The following TMEM132C variants were observed in gnomAD, a reference collection of about 807,000 sequenced individuals.
The protein encoded by TMEM132C is protein phosphatase 1, regulatory subunit 152.
TMEM132C carries 29 observed loss-of-function variants against 61.4 expected under a neutral mutation model. The ratio of observed to expected loss-of-function variants is 0.47; its 90% CI spans 0.35 to 0.64. TMEM132C has a LOEUF of 0.64. Among genes scored for constraint, TMEM132C ranks in the 30% least tolerant of loss-of-function variants. The pLI, the probability that TMEM132C is intolerant of heterozygous loss-of-function variation, is 0.00. For missense variants in TMEM132C, 1,408 were observed against 1,476.9 expected (o/e 0.95, Z 0.76); for synonymous variants, 656 against 633.1 (o/e 1.04, Z -0.54).
At chr12:128,396,788 T>G (rs1565923707) in intron 1 of TMEM132C, among the ~76,000 whole-genome samples, 2 of 152,198 alleles carry the variant, frequency 1.3e-5, no homozygotes, top group Admixed American at 6.5e-5. Context: ...TGGAGCCCGG[T>G]GGGCTGGCCC....
At chr12:128,683,545 G>A (rs1405110797) in intron 5 of TMEM132C, among the ~76,000 whole-genome samples, 6 of 152,196 alleles carry the variant, frequency 3.9e-5, no homozygotes, top group Admixed American at 1.3e-4. Flanking sequence ...TTCGCTGTGA[G>A]ACCTTGGACC....
At chr12:128,656,916 T>G (rs769741265) in intron 4 of TMEM132C, among the ~76,000 whole-genome samples, 3 of 152,320 alleles carry the variant, frequency 2.0e-5, no homozygotes, top group Non-Finnish European at 4.4e-5. Flanking sequence ...TCAGTTTATT[T>G]TCCTAGCCCC....
At chr12:128,378,353 T>C (rs184331944) in intron 1 of TMEM132C, among the ~76,000 whole-genome samples, 2,686 of 152,184 alleles carry the variant, frequency 0.018, 89 homozygotes, top group African/African-American at 0.062. Flanking sequence ...CCTGACTTCA[T>C]GATCCGCCCG....
At chr12:128,665,348 C>A (rs1042202247) in intron 4 of TMEM132C, among the ~76,000 whole-genome samples, 3 of 149,936 alleles carry the variant, frequency 2.0e-5, no homozygotes, top group African/African-American at 7.5e-5. Flanking sequence ...CCCATGTGCA[C>A]ACAGACACAC....
intron 1 of TMEM132C, among the ~76,000 whole-genome samples, chr12:128,324,617 T>C (rs1872445383): frequency 6.6e-6 from 1 of 152,110 alleles, no homozygotes; most frequent in Non-Finnish European, 1.5e-5. Flanking sequence ...CCCAGCACCT[T>C]GGGAGGCCGA....
At chr12:128,499,749 G>A (rs567002850) in intron 2 of TMEM132C, among the ~76,000 whole-genome samples, 57 of 152,218 alleles carry the variant, frequency 3.7e-4, no homozygotes, top group African/African-American at 1.1e-3. Context: ...ATAATACTCC[G>A]TTGTGTATCT....
intron 3 of TMEM132C, among the ~76,000 whole-genome samples, chr12:128,559,742 C>G (rs1467242765): frequency 6.6e-6 from 1 of 152,178 alleles, no homozygotes; most frequent in Non-Finnish European, 1.5e-5. Flanking sequence ...GAAGCTCTAG[C>G]ATGGTATTTG....
At chr12:128,569,744 A>T (rs550796555) in intron 3 of TMEM132C, among the ~76,000 whole-genome samples, 32 of 152,312 alleles carry the variant, frequency 2.1e-4, no homozygotes, top group Non-Finnish European at 5.9e-5. Flanking sequence ...AAGGGGTTGC[A>T]TTGGTTCTGT....
intron 1 of TMEM132C, among the ~76,000 whole-genome samples, chr12:128,385,776 C>G (rs1351336445): frequency 6.6e-6 from 1 of 152,216 alleles, no homozygotes. Context: ...GCATAAAACA[C>G]AACCCATCAA....
At chr12:128,324,739 T>C (rs78942695) in intron 1 of TMEM132C, among the ~76,000 whole-genome samples, 2 of 152,220 alleles carry the variant, frequency 1.3e-5, no homozygotes, top group East Asian at 3.9e-4. Flanking sequence ...CTTGCAGCTA[T>C]ATTCCCAGAG....
At chr12:128,548,967 T>TG (rs1874059034) in intron 3 of TMEM132C, among the ~76,000 whole-genome samples, 1 of 152,220 alleles carries the variant, frequency 6.6e-6, no homozygotes, top group Admixed American at 6.5e-5. Flanking sequence ...TAAGCATCCA[T>TG]GGATGTTGTC....
intron 1 of TMEM132C, among the ~76,000 whole-genome samples, chr12:128,349,250 A>G (rs1012900385): frequency 1.3e-5 from 2 of 152,130 alleles, no homozygotes; most frequent in Non-Finnish European, 2.9e-5. Context: ...TGATCCACCC[A>G]TCTTGGCCTC....
At chr12:128,462,034 A>G (rs1267933939) in intron 2 of TMEM132C, among the ~76,000 whole-genome samples, 1 of 152,140 alleles carries the variant, frequency 6.6e-6, no homozygotes, top group Non-Finnish European at 1.5e-5. Context: ...TCACTGTGAA[A>G]TCCAGCCTCC....
chr12:128,529,629 C>CA, intron 2 of TMEM132C, among the ~76,000 whole-genome samples: 1 of 151,964 alleles, frequency 6.6e-6, no homozygotes, highest in South Asian at 2.1e-4. Context: ...ACTAAAAATA[C>CA]AAAAAAATTA....
intron 1 of TMEM132C, among the ~76,000 whole-genome samples, chr12:128,359,972 T>A (rs1461475505): frequency 2.6e-5 from 4 of 152,176 alleles, no homozygotes; most frequent in Non-Finnish European, 4.4e-5. Flanking sequence ...GATGTTTTAA[T>A]TTTTAAAATT....
At chr12:128,538,470 G>A (rs1593091572) in intron 2 of TMEM132C, among the ~76,000 whole-genome samples, 1 of 152,194 alleles carries the variant, frequency 6.6e-6, no homozygotes, top group Middle Eastern at 3.4e-3. Flanking sequence ...TTGTTGTCCA[G>A]GTTAGTCTCA....
At chr12:128,674,391 C>T (rs1314994240) in intron 5 of TMEM132C, among the ~76,000 whole-genome samples, 1 of 152,138 alleles carries the variant, frequency 6.6e-6, no homozygotes, top group African/African-American at 2.4e-5. Context: ...ATGTTTCATC[C>T]ATTTATGAAT....
intron 2 of TMEM132C, among the ~76,000 whole-genome samples, chr12:128,530,136 C>T (rs1199074010): frequency 1.3e-5 from 2 of 151,982 alleles, no homozygotes; most frequent in African/African-American, 4.8e-5. Flanking sequence ...GTGAGATGTG[C>T]AGATGGAGTC....
At chr12:128,434,577 C>T (rs920386194) in intron 2 of TMEM132C, among the ~76,000 whole-genome samples, 13 of 151,696 alleles carry the variant, frequency 8.6e-5, no homozygotes, top group South Asian at 2.1e-4. Context: ...TGTGAGCCAC[C>T]GCACCTGGCC....
Sources: gnomAD v4.1 joint callset for allele counts (sites outside exome capture counted in the v4.1 genomes callset) on GRCh38, gnomAD v4.1.1 for gene constraint, MANE v1.5 for transcripts, NCBI Gene and HGNC (gene_info 2026-07-23, HGNC 2026-07-21) for gene names.